PCNX2: variants seen among roughly 807,000 people sequenced by gnomAD.
The protein encoded by PCNX2 is pecanex-like protein 2.
A neutral mutation model predicts 223.8 loss-of-function variants in PCNX2; 168 were observed. That is an observed-to-expected ratio of 0.75 (90% CI 0.66 to 0.85). PCNX2 has a LOEUF of 0.85. Ranked by LOEUF, PCNX2 falls within the 40% of genes least tolerant of loss-of-function variation. PCNX2 has a pLI of 0.00. For synonymous variants in PCNX2, 1,006 were observed against 1,052.6 expected (o/e 0.96, Z 0.86); for missense variants, 2,507 against 2,675.5 (o/e 0.94, Z 1.39).
At chr1:233,218,423 A>AC (rs1476222353) in intron 10 of PCNX2, among the ~76,000 whole-genome samples, 2 of 147,424 alleles carry the variant, frequency 1.4e-5, no homozygotes, top group Non-Finnish European at 3.0e-5. Flanking sequence ...TAATTTTTTT[A>AC]TTTTTTTTAG....
At chr1:233,080,133 G>A (rs989548573) in intron 23 of PCNX2, among the ~76,000 whole-genome samples, 1 of 152,176 alleles carries the variant, frequency 6.6e-6, no homozygotes, top group Non-Finnish European at 1.5e-5. Context: ...AGTTGGGTGA[G>A]ATTTATTGAC....
At chr1:233,006,949 T>C (rs1670307844) in intron 28 of PCNX2, among the ~76,000 whole-genome samples, 1 of 152,112 alleles carries the variant, frequency 6.6e-6, no homozygotes, top group Middle Eastern at 3.4e-3. Flanking sequence ...CCTTGGGTAC[T>C]GCAGCAAGCT....
At chr1:233,248,011 C>A (rs1659226162) in intron 8 of PCNX2, among the ~76,000 whole-genome samples, 1 of 152,080 alleles carries the variant, frequency 6.6e-6, no homozygotes, top group African/African-American at 2.4e-5. Flanking sequence ...CCAGAAGTTG[C>A]TATCTGAGAC....
intron 2 of PCNX2, 21 bp from the exon 3 acceptor site, chr1:233,262,186 C>A: frequency 6.2e-7 from 1 of 1,613,098 alleles, no homozygotes; most frequent in Non-Finnish European, 8.5e-7. Context: ...ATGAGAAACA[C>A]AAGAGCAGTG....
chr1:233,153,680 G>A (rs1466703143), intron 19 of PCNX2, among the ~76,000 whole-genome samples: 2 of 152,134 alleles, frequency 1.3e-5, no homozygotes, highest in Non-Finnish European at 2.9e-5. Context: ...AGAAGTAGCA[G>A]AACACGCACA....
intron 10 of PCNX2, among the ~76,000 whole-genome samples, chr1:233,222,423 G>C (rs989926244): frequency 1.3e-5 from 2 of 152,178 alleles, no homozygotes; most frequent in African/African-American, 4.8e-5. Context: ...GGCTGAGCAT[G>C]ATGGGCACCT....
chr1:233,259,177 T>C lies in PCNX2; in HGVS notation c.685A>G (p.Lys229Glu). The C allele has an allele frequency of 3.1e-6, 5 of 1,613,974 alleles. No homozygotes were observed. Among genetic ancestry groups the C allele is most frequent in the Non-Finnish European group, 4.2e-6 (5 of 1,179,868 alleles). Residue 229 changes from lysine (K) to glutamate (E), a missense_variant, in exon 5 of 34, where the codon AAG becomes GAG. Physicochemically the swap from Lys to Glu is moderately conservative, Grantham distance 56 (BLOSUM62 1). This residue lies in a region of PCNX2 where 1,031 missense variants were observed against 1,021.7 expected (regional missense o/e 1.01). Transcript: ENST00000258229. ...ATETLINGKGKERGGKGQPPL... is the reference protein window; with the variant it reads ...ATETLINGKGEERGGKGQPPL... ...GGCTGCCCCTTGCCTCCTCTTTCCT[T>C]TCCTTTACCATTGATGAGAGTTTCT... is the stretch of plus-strand genomic sequence containing the variant.
intron 17 of PCNX2, among the ~76,000 whole-genome samples, chr1:233,165,004 A>G (rs1046094847): frequency 6.6e-6 from 1 of 152,248 alleles, no homozygotes; most frequent in Non-Finnish European, 1.5e-5. Context: ...GTATTTCAAA[A>G]TAACTAGAAG....
chr1:232,999,125 C>A lies in PCNX2; in HGVS notation c.5583G>T (p.Trp1861Cys). Residue 1861 changes from tryptophan (W) to cysteine (C), a missense_variant, in exon 31 of 34, where the codon TGG becomes TGT. This residue lies in a region of PCNX2 where 1,372 missense variants were observed against 1,509.4 expected (regional missense o/e 0.91). Transcript: ENST00000258229. ...GPITLDRIRT[W>C]FWTKWVRMRK... ...CTTACCTTACCCACTTGGTCCAGAA[C>A]CAGGTCCTAATTCTGTCCAAAGTGA... The A allele has an allele frequency of 6.2e-7, 1 of 1,610,564 alleles. No homozygotes were observed.
At chr1:233,010,699 TAA>T (rs1264132816) in intron 28 of PCNX2, among the ~76,000 whole-genome samples, 1 of 152,236 alleles carries the variant, frequency 6.6e-6, no homozygotes, top group Non-Finnish European at 1.5e-5. Context: ...CTAAAAAATA[TAA>T]GTGTCTTCTT....
intron 23 of PCNX2, among the ~76,000 whole-genome samples, chr1:233,081,994 T>TTGTGTGTGTG (rs57675075): frequency 2.3e-4 from 34 of 148,382 alleles, no homozygotes; most frequent in African/African-American, 7.6e-4. Flanking sequence ...CTGTGTGTGT[T>TTGTGTGTGTG]TGTGTGTGTG....
At chr1:233,119,514 G>A (rs1357720424) in intron 21 of PCNX2, among the ~76,000 whole-genome samples, 1 of 149,006 alleles carries the variant, frequency 6.7e-6, no homozygotes, top group Non-Finnish European at 1.5e-5. Flanking sequence ...GAACCCAGGA[G>A]GCAGAGCTTG....
chr1:233,208,440 G>A, intron 13 of PCNX2, 78 bp downstream of exon 13: 1 of 1,417,936 alleles, frequency 7.1e-7, no homozygotes, highest in South Asian at 1.4e-5. Context: ...AAGTAAGGAA[G>A]CTTAGAAATT....
At chr1:233,060,312 T>C (rs1363894072) in intron 23 of PCNX2, among the ~76,000 whole-genome samples, 1 of 152,220 alleles carries the variant, frequency 6.6e-6, no homozygotes. Context: ...AAATGGAATT[T>C]TCAAGCAGCA....
At chr1:233,127,879 C>G (rs1417954576) in intron 21 of PCNX2, among the ~76,000 whole-genome samples, 1 of 152,196 alleles carries the variant, frequency 6.6e-6, no homozygotes, top group African/African-American at 2.4e-5. Flanking sequence ...GGCAGGCACC[C>G]AGTAAGTGCT....
At chr1:233,120,236 T>C (rs1675705983) in intron 21 of PCNX2, among the ~76,000 whole-genome samples, 1 of 144,152 alleles carries the variant, frequency 6.9e-6, no homozygotes, top group Non-Finnish European at 1.5e-5. Flanking sequence ...TAAAGAATTC[T>C]CAAAATTAAA....
At chr1:233,170,206 T>C (rs1010731804) in intron 17 of PCNX2, among the ~76,000 whole-genome samples, 3 of 152,226 alleles carry the variant, frequency 2.0e-5, no homozygotes, top group African/African-American at 4.8e-5. Context: ...TATTCATGTC[T>C]TAAACTTTAT....
chr1:233,167,336 A>AAG (rs71821384), intron 17 of PCNX2, among the ~76,000 whole-genome samples: 2,072 of 149,032 alleles, frequency 0.014, 20 homozygotes, highest in South Asian at 0.038. Flanking sequence ...GTAGAATCTA[A>AAG]AGAGAGAGAG....
intron 28 of PCNX2, among the ~76,000 whole-genome samples, chr1:233,012,852 G>A (rs1670515163): frequency 6.6e-6 from 1 of 152,280 alleles, no homozygotes; most frequent in Admixed American, 6.5e-5. Context: ...CAACAAAAGA[G>A]CTTATTTTAA....
Sources: gnomAD v4.1 joint callset for allele counts (sites outside exome capture counted in the v4.1 genomes callset) on GRCh38, gnomAD v4.1.1 for gene constraint, gnomAD v4.1.1 regional missense constraint, MANE v1.5 for transcripts, NCBI Gene and HGNC (gene_info 2026-07-23, HGNC 2026-07-21) for gene names.